The following SNTG1 variants were observed in gnomAD, a reference collection of about 807,000 sequenced individuals.
SNTG1 encodes gamma-1-syntrophin.
In SNTG1, 39 loss-of-function variants were observed where a neutral mutation model predicts 74.7. The ratio of observed to expected loss-of-function variants is 0.52; its 90% CI spans 0.40 to 0.68. SNTG1 has a LOEUF of 0.68. Among genes scored for constraint, SNTG1 ranks in the 30% least tolerant of loss-of-function variants. SNTG1 has a pLI of 0.00. For missense variants in SNTG1, 685 were observed against 609.5 expected (o/e 1.12, Z -1.30); for synonymous variants, 254 against 217.1 (o/e 1.17, Z -1.49).
intron 2 of SNTG1, among the ~76,000 whole-genome samples, chr8:50,330,115 G>T (rs966157174): frequency 6.6e-6 from 1 of 152,120 alleles, no homozygotes; most frequent in Admixed American, 6.6e-5. Context: ...CCCAAATGTG[G>T]TGGGACTCAG....
Position 50,198,125 on chromosome 8 carries a change from G to A in SNTG1, c.-28+25490G>A, listed in dbSNP as rs10110791. On this transcript the variant is annotated intron_variant, in intron 2 of 18. Transcript: ENST00000642720. ...TCAGATAGCAGCCTGTGCCCAGAGC[G>A]CAGGTGAAGTCTCCCATTTGCCGCC... is the stretch of plus-strand genomic sequence containing the variant. Among the ~76,000 whole-genome samples, 1,249 of 152,142 alleles carry A rather than the reference G, an allele frequency of 8.2e-3. 22 individuals are homozygous for A. The highest frequency in any genetic ancestry group is 0.029 in the African/African-American group (1,198 of 41,500).
At chr8:50,547,571 CTTAT>C (rs2094397151) in intron 11 of SNTG1, among the ~76,000 whole-genome samples, 1 of 151,910 alleles carries the variant, frequency 6.6e-6, no homozygotes, top group African/African-American at 2.4e-5. Flanking sequence ...TTATAACACA[CTTAT>C]TTAATGATAT....
intron 2 of SNTG1, among the ~76,000 whole-genome samples, chr8:50,379,316 A>T (rs1251603168): frequency 2.6e-5 from 4 of 152,246 alleles, no homozygotes; most frequent in South Asian, 4.1e-4. Context: ...TTCCTAGCCT[A>T]TGAAAGCAGG....
intron 1 of SNTG1, among the ~76,000 whole-genome samples, chr8:50,105,868 A>G (rs1210330166): frequency 6.6e-6 from 1 of 152,056 alleles, no homozygotes; most frequent in Non-Finnish European, 1.5e-5. Flanking sequence ...ACTGATTTTT[A>G]TACATTGATT....
chr8:50,778,312 C>A (rs1221798533), intron 18 of SNTG1, among the ~76,000 whole-genome samples: 2 of 152,204 alleles, frequency 1.3e-5, no homozygotes, highest in Non-Finnish European at 2.9e-5. Flanking sequence ...AGTTTACAGT[C>A]CCACTGACAG....
chr8:50,253,213 C>T (rs1317723163), intron 2 of SNTG1, among the ~76,000 whole-genome samples: 5 of 152,022 alleles, frequency 3.3e-5, no homozygotes, highest in Non-Finnish European at 7.4e-5. Context: ...CACCTGAGGC[C>T]AGGAGTTCAA....
chr8:50,236,376 G>GTA (rs1243212872), intron 2 of SNTG1, among the ~76,000 whole-genome samples: 1 of 151,506 alleles, frequency 6.6e-6, no homozygotes, highest in African/African-American at 2.4e-5. Flanking sequence ...TGATTCCGGT[G>GTA]CATCATTTTT....
intron 12 of SNTG1, among the ~76,000 whole-genome samples, chr8:50,579,293 C>T (rs1236077759): frequency 6.6e-6 from 1 of 152,056 alleles, no homozygotes; most frequent in Non-Finnish European, 1.5e-5. Flanking sequence ...TTTAGGGTAT[C>T]TGATGGAAGA....
At chr8:50,521,124 A>G (rs1351106350) in intron 9 of SNTG1, among the ~76,000 whole-genome samples, 2 of 152,184 alleles carry the variant, frequency 1.3e-5, no homozygotes, top group Non-Finnish European at 2.9e-5. Context: ...TTGCAGTGAC[A>G]TGGATGAAAC....
chr8:50,768,828 G>C (rs1213389125), intron 18 of SNTG1, among the ~76,000 whole-genome samples: 1 of 152,024 alleles, frequency 6.6e-6, no homozygotes, highest in African/African-American at 2.4e-5. Flanking sequence ...TAAGTAGATA[G>C]AAATAAGTTA....
At chr8:50,602,281 A>T (rs889467538) in intron 13 of SNTG1, among the ~76,000 whole-genome samples, 4 of 152,020 alleles carry the variant, frequency 2.6e-5, no homozygotes, top group Non-Finnish European at 5.9e-5. Context: ...TTGTGTATCC[A>T]TTGTATGGTT....
intron 17 of SNTG1, among the ~76,000 whole-genome samples, chr8:50,730,874 C>A (rs1203760989): frequency 2.0e-5 from 3 of 152,052 alleles, no homozygotes; most frequent in African/African-American, 7.2e-5. Flanking sequence ...AAGAACGCTA[C>A]TAAACTAGTT....
intron 11 of SNTG1, among the ~76,000 whole-genome samples, chr8:50,550,453 GT>G (rs1462604809): frequency 6.6e-6 from 1 of 152,112 alleles, no homozygotes; most frequent in African/African-American, 2.4e-5. Context: ...CTTATGTTAG[GT>G]TGAAAATTAT....
intron 17 of SNTG1, among the ~76,000 whole-genome samples, chr8:50,723,975 T>C (rs2095493869): frequency 6.6e-6 from 1 of 152,130 alleles, no homozygotes; most frequent in Admixed American, 6.5e-5. Flanking sequence ...ATCAGAGGCA[T>C]GAAAGGGCTT....
chr8:50,103,898 C>T (rs898025279), intron 1 of SNTG1, among the ~76,000 whole-genome samples: 8 of 152,126 alleles, frequency 5.3e-5, no homozygotes. Flanking sequence ...GCCTTGCATC[C>T]CAGGGATGAA....
At chr8:50,778,658 G>T (rs2095648679) in intron 18 of SNTG1, among the ~76,000 whole-genome samples, 1 of 128,234 alleles carries the variant, frequency 7.8e-6, no homozygotes, top group Non-Finnish European at 1.5e-5. Context: ...TAGGTTGCCT[G>T]TTCACTCTGA....
At chr8:49,962,632 G>A (rs1810792900) in intron 1 of SNTG1, among the ~76,000 whole-genome samples, 1 of 151,982 alleles carries the variant, frequency 6.6e-6, no homozygotes, top group African/African-American at 2.4e-5. Context: ...GCCTTGCTCT[G>A]TCACCCAGGC....
intron 8 of SNTG1, among the ~76,000 whole-genome samples, chr8:50,475,179 T>C (rs2093686845): frequency 6.6e-6 from 1 of 151,724 alleles, no homozygotes; most frequent in African/African-American, 2.4e-5. Context: ...TATGCATATG[T>C]AACAAACCTG....
At chr8:49,988,869 A>C (rs1386871061) in intron 1 of SNTG1, among the ~76,000 whole-genome samples, 1 of 151,956 alleles carries the variant, frequency 6.6e-6, no homozygotes, top group Non-Finnish European at 1.5e-5. Context: ...AAAAGCAGCA[A>C]AATAAACAGA....
Sources: gnomAD v4.1 joint callset for allele counts (sites outside exome capture counted in the v4.1 genomes callset) on GRCh38, gnomAD v4.1.1 for gene constraint, MANE v1.5 for transcripts, NCBI Gene and HGNC (gene_info 2026-07-23, HGNC 2026-07-21) for gene names.